Variants in PTPRM observed in about 807,000 individuals in gnomAD.
PTPRM encodes the protein receptor-type tyrosine-protein phosphatase mu.
Under a neutral mutation model 186.7 loss-of-function variants are expected in PTPRM, and 47 were observed. The ratio of observed to expected loss-of-function variants is 0.25; its 90% CI spans 0.20 to 0.32. The LOEUF (loss-of-function observed/expected upper bound fraction) is 0.32, where lower values mean the gene tolerates loss of function less well. PTPRM is among the 10% of genes least tolerant of loss of function. PTPRM has a pLI of 1.00. For synonymous variants in PTPRM, 668 were observed against 674.9 expected, an observed-to-expected ratio of 0.99 and a Z score of 0.16; for missense variants, 1,494 against 1,865.0, an observed-to-expected ratio of 0.80 and a Z score of 3.66.
At chr18:7,931,261 C>T (rs1039469936) in intron 5 of PTPRM, among the ~76,000 whole-genome samples, 10 of 151,964 alleles carry the variant, frequency 6.6e-5, no homozygotes, top group Non-Finnish European at 1.2e-4. Flanking sequence ...ATCAACTTTC[C>T]GATCACTTTT....
intron 2 of PTPRM, among the ~76,000 whole-genome samples, chr18:7,776,175 A>C (rs2042570574): frequency 6.6e-6 from 1 of 152,254 alleles, no homozygotes; most frequent in South Asian, 2.1e-4. Context: ...ATTGATTAAT[A>C]GAATACTTGA....
At chr18:7,981,116 A>G (rs1368388258) in intron 7 of PTPRM, among the ~76,000 whole-genome samples, 1 of 152,056 alleles carries the variant, frequency 6.6e-6, no homozygotes, top group Non-Finnish European at 1.5e-5. Context: ...TGAAGGTAGA[A>G]TCACACCTCC....
chr18:7,750,651 C>T (rs1458805860), intron 1 of PTPRM, among the ~76,000 whole-genome samples: 1 of 152,174 alleles, frequency 6.6e-6, no homozygotes, highest in East Asian at 1.9e-4. Flanking sequence ...ACCTGTTGGT[C>T]ACTTTCAGCA....
chr18:8,295,254 G>C (rs1472572451), intron 19 of PTPRM, among the ~76,000 whole-genome samples: 1 of 152,138 alleles, frequency 6.6e-6, no homozygotes, highest in Non-Finnish European at 1.5e-5. Context: ...TTTACCTCAT[G>C]GGGGAGAGTT....
At chr18:8,131,421 GT>G (rs1287459978) in intron 13 of PTPRM, among the ~76,000 whole-genome samples, 2 of 152,178 alleles carry the variant, frequency 1.3e-5, no homozygotes, top group Admixed American at 1.3e-4. Flanking sequence ...GATGAATAAA[GT>G]TACTGCATTT....
In PTPRM at chr18:8,072,165, G is replaced by A. The variant is rs139772889; in HGVS notation, c.1441+2171G>A. ...TAATAAACACCCCAAAATACCTTAG[G>A]TCTTTAAATGAAATAATAAAGTATT... On this transcript the variant is annotated intron_variant, in intron 8 of 32. Transcript: ENST00000580170. 7.5e-3 allele frequency among the ~76,000 whole-genome samples: 1,143 copies of A among 152,206 alleles called. 7 individuals are homozygous for A. Among genetic ancestry groups the A allele is most frequent in the South Asian group, 0.03 (143 of 4,810 alleles).
intron 2 of PTPRM, among the ~76,000 whole-genome samples, chr18:7,864,681 C>A (rs1355612479): frequency 6.6e-6 from 1 of 152,124 alleles, no homozygotes; most frequent in Non-Finnish European, 1.5e-5. Flanking sequence ...GATATGCAGG[C>A]TCTTTTTTGG....
intron 6 of PTPRM, among the ~76,000 whole-genome samples, chr18:7,950,270 T>C (rs913377787): frequency 6.6e-6 from 1 of 152,072 alleles, no homozygotes; most frequent in African/African-American, 2.4e-5. Context: ...CCAGGTGTGG[T>C]GGCAGTGCCT....
intron 2 of PTPRM, among the ~76,000 whole-genome samples, chr18:7,774,981 G>A (rs967845838): frequency 2.0e-4 from 30 of 152,146 alleles, no homozygotes; most frequent in African/African-American, 7.2e-4. Flanking sequence ...TGATAAGTTT[G>A]CTCCACTCAG....
At chr18:7,578,569 T>A (rs201244307) in intron 1 of PTPRM, among the ~76,000 whole-genome samples, 3 of 151,912 alleles carry the variant, frequency 2.0e-5, no homozygotes, top group East Asian at 1.9e-4. Flanking sequence ...TCTCCTGACC[T>A]CGTGATCCGC....
rs200087341 is a variant in PTPRM at position 7,907,236 on chromosome 18, GC to G, written c.547+659del. ...CTAGATCTGTTTCTCCCCAAACCCT[GC>G]CCCCCAGGGGCCACCACAGTGGTGA... is the stretch of plus-strand genomic sequence containing the variant. On this transcript the variant is annotated intron_variant, in intron 4 of 32. Transcript: ENST00000580170. 7.0e-3 allele frequency among the ~76,000 whole-genome samples: 1,069 copies of G among 152,274 alleles called. 15 individuals are homozygous for G. Among genetic ancestry groups the G allele is most frequent in the African/African-American group, 0.025 (1,026 of 41,562 alleles).
chr18:8,199,061 C>T (rs2093817779), intron 14 of PTPRM, among the ~76,000 whole-genome samples: 1 of 152,016 alleles, frequency 6.6e-6, no homozygotes, highest in Non-Finnish European at 1.5e-5. Context: ...TCCATCTCGG[C>T]GGGCTCATCT....
At chr18:7,732,376 T>C (rs891014960) in intron 1 of PTPRM, among the ~76,000 whole-genome samples, 2 of 152,220 alleles carry the variant, frequency 1.3e-5, no homozygotes, top group African/African-American at 4.8e-5. Flanking sequence ...GTTATGAGAA[T>C]ACCTATTGCT....
At chr18:8,177,105 A>G (rs1213465646) in intron 14 of PTPRM, among the ~76,000 whole-genome samples, 1 of 152,156 alleles carries the variant, frequency 6.6e-6, no homozygotes, top group East Asian at 1.9e-4. Flanking sequence ...TACTTGTTCA[A>G]ATACTGATGC....
chr18:7,778,259 A>G (rs2042685801), intron 2 of PTPRM, among the ~76,000 whole-genome samples: 1 of 152,270 alleles, frequency 6.6e-6, no homozygotes, highest in Non-Finnish European at 1.5e-5. Flanking sequence ...TAGGGGGAAT[A>G]AATACTAAAT....
intron 1 of PTPRM, among the ~76,000 whole-genome samples, chr18:7,653,494 G>A (rs371524764): frequency 1.5e-4 from 22 of 151,232 alleles, no homozygotes; most frequent in South Asian, 4.2e-4. Context: ...CCCATAGACC[G>A]CAGTGTGTGT....
chr18:7,596,141 G>T (rs1168467803), intron 1 of PTPRM, among the ~76,000 whole-genome samples: 1 of 152,092 alleles, frequency 6.6e-6, no homozygotes, highest in Non-Finnish European at 1.5e-5. Context: ...GTGCTTTGGG[G>T]CCCTTATGAA....
intron 11 of PTPRM, among the ~76,000 whole-genome samples, chr18:8,112,430 C>T (rs1171272014): frequency 6.6e-6 from 1 of 152,174 alleles, no homozygotes; most frequent in Non-Finnish European, 1.5e-5. Context: ...TGTGCTTTTT[C>T]CTTGGCATTA....
chr18:8,397,282 G>T (rs1038668753), intron 32 of PTPRM, among the ~76,000 whole-genome samples: 1 of 152,206 alleles, frequency 6.6e-6, no homozygotes, highest in Non-Finnish European at 1.5e-5. Context: ...TACCCTCCCT[G>T]CCAGGGCGGG....
Sources: allele counts gnomAD v4.1 joint callset (sites outside exome capture counted in the v4.1 genomes callset), GRCh38; gene constraint gnomAD v4.1.1; transcripts MANE v1.5; gene names NCBI Gene and HGNC (gene_info 2026-07-23, HGNC 2026-07-21).